The following CLTCL1 variants were observed in gnomAD, a reference collection of about 807,000 sequenced individuals.
CLTCL1 encodes the protein clathrin heavy chain 2.
In CLTCL1, 159 loss-of-function variants were observed where a neutral mutation model predicts 190.0. That is an observed-to-expected ratio of 0.84 (90% confidence interval 0.74 to 0.95). CLTCL1 has a LOEUF of 0.95. CLTCL1 is among the 40% of genes least tolerant of loss of function. CLTCL1 has a pLI of 0.00. For missense variants in CLTCL1, 1,878 were observed against 2,033.4 expected (o/e 0.92, Z 1.47); for synonymous variants, 752 against 769.6 (o/e 0.98, Z 0.38).
chr22:19,269,704 T>G, intron 2 of CLTCL1, among the ~76,000 whole-genome samples: 1 of 152,094 alleles, frequency 6.6e-6, no homozygotes. Flanking sequence ...ACACTGCATG[T>G]TCTCACTCAT....
intron 9 of CLTCL1, 67 bp from the exon 10 acceptor site, chr22:19,232,665 T>A: frequency 6.5e-7 from 1 of 1,536,218 alleles, no homozygotes; most frequent in South Asian, 1.2e-5. Context: ...AAGGAAGTTA[T>A]CCATCCTTTG....
rs1360579829 is a variant in CLTCL1 at position 19,198,956 on chromosome 22, C to T, written c.3873+778G>A. 1.3e-5 allele frequency among the ~76,000 whole-genome samples: 2 copies of T among 152,176 alleles called. No homozygotes were observed. The highest frequency in any genetic ancestry group is 4.8e-5 in the African/African-American group (2 of 41,442). Reference sequence around the variant, plus strand: ...CCTGTTGGCTTTCCAGTTCATTTCTCAGGCGCCTCTCTGGGGGTGGGAAAG... The same window carrying T: ...CCTGTTGGCTTTCCAGTTCATTTCTTAGGCGCCTCTCTGGGGGTGGGAAAG... On this transcript the variant is annotated intron_variant, in intron 24 of 32. Coordinates refer to ENST00000427926, the MANE Select transcript of CLTCL1 (RefSeq NM_007098.4). This position sits in a 1 kb window ranked among gnomAD's most constrained non-coding sequence, Gnocchi z 4.1.
At chr22:19,262,173 G>A (rs868984391) in intron 2 of CLTCL1, among the ~76,000 whole-genome samples, 1 of 151,634 alleles carries the variant, frequency 6.6e-6, no homozygotes, top group East Asian at 2.0e-4. Flanking sequence ...CTACAGGAGC[G>A]TGCCACCAGG....
chr22:19,187,418 T>A, intron 29 of CLTCL1, 140 bp downstream of exon 29: 2 of 762,756 alleles, frequency 2.6e-6, no homozygotes, highest in South Asian at 3.6e-5. Flanking sequence ...TTAATACTAA[T>A]CCCCCCACCC....
At chr22:19,286,320 C>G (rs2087905119) in intron 1 of CLTCL1, among the ~76,000 whole-genome samples, 1 of 152,178 alleles carries the variant, frequency 6.6e-6, no homozygotes. Flanking sequence ...ACTCTCCTTG[C>G]TTTGTAAATA....
At chr22:19,265,786 A>G (rs1484237807) in intron 2 of CLTCL1, among the ~76,000 whole-genome samples, 1 of 152,242 alleles carries the variant, frequency 6.6e-6, no homozygotes, top group Non-Finnish European at 1.5e-5. Context: ...GGCACAGGGT[A>G]GGCAGCTGTG....
intron 19 of CLTCL1, among the ~76,000 whole-genome samples, chr22:19,214,348 T>A (rs2085321716): frequency 6.6e-6 from 1 of 152,166 alleles, no homozygotes; most frequent in Admixed American, 6.5e-5. Flanking sequence ...GCCTCCTTGG[T>A]GGCTGATGAG....
At chr22:19,257,566 C>A in intron 2 of CLTCL1, 1 of 381,254 alleles carries the variant, frequency 2.6e-6, no homozygotes, top group East Asian at 6.1e-5. Flanking sequence ...AACTACCAGT[C>A]CCTGGGATCC....
intron 29 of CLTCL1, among the ~76,000 whole-genome samples, chr22:19,185,006 T>G (rs1479563618): frequency 1.3e-5 from 2 of 152,268 alleles, no homozygotes; most frequent in African/African-American, 4.8e-5. Context: ...TTCATTTAAA[T>G]GCTACTTCTG....
intron 2 of CLTCL1, among the ~76,000 whole-genome samples, chr22:19,269,022 A>G (rs2800975): frequency 0.071 from 10,693 of 151,082 alleles, 468 homozygotes; most frequent in Middle Eastern, 0.17. Context: ...CCCAGGAGGC[A>G]GAGGCTGCAG....
At chr22:19,196,216 T>TAGGG (rs148493715) in intron 26 of CLTCL1, 50 bp downstream of exon 26, 17,569 of 1,584,176 alleles carry the variant, frequency 0.011, 285 homozygotes, top group East Asian at 0.067. Context: ...GCACCCAGAA[T>TAGGG]AGGGCCTGGC....
intron 3 of CLTCL1, among the ~76,000 whole-genome samples, chr22:19,250,148 G>A (rs1466427156): frequency 6.6e-6 from 1 of 151,972 alleles, no homozygotes; most frequent in Non-Finnish European, 1.5e-5. Context: ...CAGCTACTCG[G>A]GTGGCTGAGG....
intron 16 of CLTCL1, 46 bp downstream of exon 16, chr22:19,221,905 A>ACT (rs1569189223): frequency 1.9e-6 from 3 of 1,601,112 alleles, no homozygotes; most frequent in South Asian, 2.2e-5. Flanking sequence ...AACAACAGAC[A>ACT]CTAGAATCCA....
intron 17 of CLTCL1, 103 bp downstream of exon 17, chr22:19,221,274 C>T (rs1459177420): frequency 1.2e-6 from 1 of 821,858 alleles, no homozygotes; most frequent in African/African-American, 1.7e-5. Context: ...CCTGCCATCT[C>T]CAGGTGCACA....
In CLTCL1 at chr22:19,275,845, A is replaced by G; in HGVS notation, c.43-15T>C. ...AGGTTTTGGAGCTAAACAGAAAAAA[A>G]GCATTTGATTAAATTTTTTTCCTCT... On this transcript the variant is annotated splice_polypyrimidine_tract_variant and intron_variant, in intron 1 of 32. Coordinates refer to ENST00000427926, the MANE Select transcript of CLTCL1 (RefSeq NM_007098.4). 1 of 1,569,930 alleles carries G rather than the reference A, an allele frequency of 6.4e-7. No individual in the cohort carries two copies. The highest frequency in any genetic ancestry group is 8.6e-7 in the Non-Finnish European group (1 of 1,156,496).
intron 1 of CLTCL1, among the ~76,000 whole-genome samples, chr22:19,278,853 A>T (rs2087606199): frequency 6.6e-6 from 1 of 152,004 alleles, no homozygotes; most frequent in African/African-American, 2.4e-5. Flanking sequence ...GCGATTCTCC[A>T]GCCTCAGCCT....
intron 1 of CLTCL1, among the ~76,000 whole-genome samples, chr22:19,281,892 G>GA (rs1163914047): frequency 1.3e-5 from 2 of 152,082 alleles, no homozygotes; most frequent in African/African-American, 4.8e-5. Flanking sequence ...TATGGCATTT[G>GA]AAAAAGGTAA....
chr22:19,203,958 G>A (rs1294543524), intron 22 of CLTCL1, among the ~76,000 whole-genome samples: 5 of 152,142 alleles, frequency 3.3e-5, no homozygotes, highest in African/African-American at 4.8e-5. Context: ...ACGCCCTGCC[G>A]GCTCTGCCTT....
intron 2 of CLTCL1, among the ~76,000 whole-genome samples, chr22:19,269,542 T>C (rs1298104687): frequency 6.6e-6 from 1 of 152,172 alleles, no homozygotes; most frequent in Non-Finnish European, 1.5e-5. Context: ...CCAACCCAAA[T>C]GCCCATCAGT....
Sources: allele counts gnomAD v4.1 joint callset (sites outside exome capture counted in the v4.1 genomes callset), GRCh38; gene constraint gnomAD v4.1.1; non-coding constraint Gnocchi (gnomAD v3.1); transcripts MANE v1.5; gene names NCBI Gene and HGNC (gene_info 2026-07-23, HGNC 2026-07-21).